IPO7: variants seen among roughly 807,000 people sequenced by gnomAD.
IPO7 encodes the protein importin-7.
In IPO7, 13 loss-of-function variants were observed where a neutral mutation model predicts 136.4. The observed-to-expected ratio is 0.10, with a 90% confidence interval of 0.06 to 0.15. The LOEUF (loss-of-function observed/expected upper bound fraction) is 0.15. Ranked by LOEUF, IPO7 falls within the 10% of genes least tolerant of loss-of-function variation. IPO7 has a pLI of 1.00. For synonymous variants in IPO7, 403 were observed against 404.4 expected (o/e 1.00, Z 0.04); for missense variants, 857 against 1,240.6 (o/e 0.69, Z 4.65).
chr11:9,411,007 C>A (rs1374012032), intron 4 of IPO7, among the ~76,000 whole-genome samples: 1 of 152,188 alleles, frequency 6.6e-6, no homozygotes, highest in Non-Finnish European at 1.5e-5. Flanking sequence ...CCATTTACAG[C>A]ATTGGTACTG....
chr11:9,404,421 C>T (rs1326899687), intron 2 of IPO7, among the ~76,000 whole-genome samples: 3 of 151,180 alleles, frequency 2.0e-5, no homozygotes, highest in African/African-American at 7.3e-5. Flanking sequence ...GCCGAGTTGG[C>T]GTCACTGCAC....
intron 10 of IPO7, among the ~76,000 whole-genome samples, chr11:9,424,302 C>T (rs1855173066): frequency 6.6e-6 from 1 of 152,166 alleles, no homozygotes; most frequent in African/African-American, 2.4e-5. Flanking sequence ...CTTACCAAGT[C>T]ATTTGTGCTT....
intron 1 of IPO7, among the ~76,000 whole-genome samples, chr11:9,385,427 A>T (rs1318119016): frequency 6.6e-6 from 1 of 152,116 alleles, no homozygotes; most frequent in Non-Finnish European, 1.5e-5. Context: ...GCAGGATAGG[A>T]GTAGTGCGGG....
In IPO7 at chr11:9,436,057, A is replaced by G. The variant is rs186718989; in HGVS notation, c.2173-214A>G. Among the ~76,000 whole-genome samples, 107 of 152,328 alleles carry G rather than the reference A, an allele frequency of 7.0e-4. No homozygotes were observed. In the Middle Eastern group the frequency reaches 0.027, roughly 39 times the overall value. The stretch of plus-strand genomic sequence containing the variant: ...GACCAAGATGCCAGAGGGCTAGACT[A>G]TGAAAGATAGGAGGCAGACAGCTCC... On this transcript the variant is annotated intron_variant, in intron 19 of 24. Transcript: ENST00000379719.
intron 3 of IPO7, 111 bp downstream of exon 3, chr11:9,408,750 T>A: frequency 1.4e-6 from 1 of 724,776 alleles, no homozygotes; most frequent in Non-Finnish European, 2.0e-6. Flanking sequence ...TTTCCCTCTG[T>A]GGCCAGGCTG....
At chr11:9,427,074 T>G (rs759617004) in intron 12 of IPO7, among the ~76,000 whole-genome samples, 3 of 152,190 alleles carry the variant, frequency 2.0e-5, no homozygotes, top group Non-Finnish European at 4.4e-5. Context: ...GGTCTCAAAC[T>G]CCTGGCTTCA....
In IPO7 at chr11:9,392,171, CTTTTTTTTTTTTTT is replaced by C. The variant is rs59866244; in HGVS notation, c.84+7334_84+7347del. 147 of 185,092 alleles carry C rather than the reference CTTTTTTTTTTTTTT, an allele frequency of 7.9e-4. 1 individual carries two copies. The East Asian group carries it at 0.024, about 31-fold the overall frequency. 11.5% of individuals were successfully genotyped at this position (185,092 alleles called of 1,614,324 possible). On this transcript the variant is annotated intron_variant, in intron 1 of 24. Transcript: ENST00000379719. ...ATGTCATATTTGCCTTTGTCAAATTCTTTTTTTTTTTTTTTTTTTTTTTGAGACGGAGTTTCGCT... is the reference window on the plus strand; with the variant it reads ...ATGTCATATTTGCCTTTGTCAAATTCTTTTTTTTTGAGACGGAGTTTCGCT...
chr11:9,397,670 G>A (rs1334786561), intron 1 of IPO7, among the ~76,000 whole-genome samples: 1 of 151,914 alleles, frequency 6.6e-6, no homozygotes, highest in Non-Finnish European at 1.5e-5. Context: ...GCAAAACCAT[G>A]TATGTGTGCT....
intron 8 of IPO7, among the ~76,000 whole-genome samples, chr11:9,422,728 G>A (rs535564533): frequency 5.9e-5 from 9 of 152,000 alleles, no homozygotes; most frequent in African/African-American, 1.2e-4. Flanking sequence ...TGGGAGAATC[G>A]CTTGAGGCCA....
intron 10 of IPO7, 140 bp downstream of exon 10, chr11:9,424,016 G>T: frequency 4.0e-6 from 2 of 502,378 alleles, no homozygotes; most frequent in Non-Finnish European, 7.0e-6. Flanking sequence ...CCTTTTTGGG[G>T]CTATTTATTA....
chr11:9,398,047 G>T (rs930283155), intron 1 of IPO7, among the ~76,000 whole-genome samples: 1 of 152,190 alleles, frequency 6.6e-6, no homozygotes, highest in Non-Finnish European at 1.5e-5. Flanking sequence ...GATACATACT[G>T]TAATGTAAAT....
intron 24 of IPO7, among the ~76,000 whole-genome samples, chr11:9,444,049 C>T (rs949425549): frequency 3.9e-5 from 6 of 151,960 alleles, no homozygotes; most frequent in Non-Finnish European, 8.8e-5. Flanking sequence ...CTGAGGCTGG[C>T]GGATTACTTG....
At chr11:9,420,369 A>G (rs1201885947) in intron 6 of IPO7, 42 bp from the exon 7 acceptor site, 4 of 1,255,894 alleles carry the variant, frequency 3.2e-6, no homozygotes, top group African/African-American at 1.5e-5. Context: ...TGTTCCTCCT[A>G]TATTGTATTA....
intron 23 of IPO7, among the ~76,000 whole-genome samples, chr11:9,441,750 C>T (rs546521802): frequency 6.6e-6 from 1 of 152,280 alleles, no homozygotes; most frequent in South Asian, 2.1e-4. Context: ...AGCTCTGAAT[C>T]TTTTAAGATG....
chr11:9,398,873 T>C (rs1854753072), intron 1 of IPO7, among the ~76,000 whole-genome samples: 1 of 152,184 alleles, frequency 6.6e-6, no homozygotes, highest in Non-Finnish European at 1.5e-5. Context: ...AATATGTTTC[T>C]TTCTTGTTGA....
chr11:9,390,914 C>T (rs186419408), intron 1 of IPO7, among the ~76,000 whole-genome samples: 7 of 152,048 alleles, frequency 4.6e-5, no homozygotes, highest in Non-Finnish European at 8.8e-5. Flanking sequence ...GGACTGCAGG[C>T]GCCCGCCACC....
At chr11:9,413,080 G>A (rs1038371801) in intron 4 of IPO7, among the ~76,000 whole-genome samples, 2 of 151,982 alleles carry the variant, frequency 1.3e-5, no homozygotes, top group Non-Finnish European at 2.9e-5. Flanking sequence ...GGGTTTCACC[G>A]TGTTAGCCAG....
At chr11:9,410,906 C>G (rs1418269971) in intron 4 of IPO7, among the ~76,000 whole-genome samples, 1 of 152,194 alleles carries the variant, frequency 6.6e-6, no homozygotes, top group African/African-American at 2.4e-5. Flanking sequence ...AATTCTGGGA[C>G]TTGCAGTTAG....
At chr11:9,434,586 G>A (rs1166634351) in intron 18 of IPO7, among the ~76,000 whole-genome samples, 3 of 152,114 alleles carry the variant, frequency 2.0e-5, no homozygotes, top group Non-Finnish European at 2.9e-5. Context: ...ACTTCAGTCC[G>A]GGAGTTCTCA....
Sources: allele counts gnomAD v4.1 joint callset (sites outside exome capture counted in the v4.1 genomes callset), GRCh38; gene constraint gnomAD v4.1.1; transcripts MANE v1.5; gene names NCBI Gene and HGNC (gene_info 2026-07-23, HGNC 2026-07-21).